TRHDE: variants seen among roughly 807,000 people sequenced by gnomAD.
The protein encoded by TRHDE is thyrotropin releasing hormone degrading enzyme.
TRHDE carries 72 observed loss-of-function variants against 125.7 expected under a neutral mutation model. That is an observed-to-expected ratio of 0.57 (90% CI 0.47 to 0.70). The LOEUF is 0.70. Ranked by LOEUF, TRHDE falls within the 30% of genes least tolerant of loss-of-function variation. The probability of loss-of-function intolerance (pLI) is 0.00; values close to 1 mark genes in which losing one functional copy is unlikely to be tolerated. For synonymous variants in TRHDE, 509 were observed against 509.1 expected (o/e 1.00, Z 0.00); for missense variants, 1,110 against 1,327.1 (o/e 0.84, Z 2.54).
intron 2 of TRHDE, among the ~76,000 whole-genome samples, chr12:72,265,826 T>A (rs1879054882): frequency 6.6e-6 from 1 of 152,002 alleles, no homozygotes; most frequent in East Asian, 1.9e-4. Flanking sequence ...ATATATATTT[T>A]ATATTATGTT....
intron 12 of TRHDE, among the ~76,000 whole-genome samples, chr12:72,577,591 G>A (rs952592669): frequency 1.7e-4 from 26 of 152,154 alleles, no homozygotes; most frequent in Non-Finnish European, 3.1e-4. Context: ...ATGATGGTGA[G>A]AAAGCAAGTA....
At chr12:72,341,085 A>T (rs767865677) in intron 2 of TRHDE, among the ~76,000 whole-genome samples, 2 of 150,200 alleles carry the variant, frequency 1.3e-5, no homozygotes, top group Middle Eastern at 3.2e-3. Context: ...TGTTTCTAAA[A>T]CTTGGAACCT....
intron 3 of TRHDE, among the ~76,000 whole-genome samples, chr12:72,456,922 GA>G (rs1322924310): frequency 6.6e-6 from 1 of 151,840 alleles, no homozygotes; most frequent in Non-Finnish European, 1.5e-5. Context: ...AATGGGTTTT[GA>G]AAAAAATCAT....
At chr12:72,480,895 T>C (rs1254140105) in intron 5 of TRHDE, among the ~76,000 whole-genome samples, 1 of 152,126 alleles carries the variant, frequency 6.6e-6, no homozygotes, top group African/African-American at 2.4e-5. Context: ...CTCAAATATA[T>C]AATAGTGGCC....
At chr12:72,661,657 C>G (rs1328387476) in intron 18 of TRHDE, among the ~76,000 whole-genome samples, 1 of 152,048 alleles carries the variant, frequency 6.6e-6, no homozygotes, top group Non-Finnish European at 1.5e-5. Flanking sequence ...TTAGACTCCC[C>G]CTTTATATAT....
intron 15 of TRHDE, among the ~76,000 whole-genome samples, chr12:72,625,625 C>A (rs11179290): frequency 0.14 from 21,238 of 151,736 alleles, 2,039 homozygotes; most frequent in East Asian, 0.54. Flanking sequence ...CTATATTGAG[C>A]ATTTACTACA....
At chr12:72,584,910 A>C (rs1402426775) in intron 12 of TRHDE, among the ~76,000 whole-genome samples, 1 of 152,216 alleles carries the variant, frequency 6.6e-6, no homozygotes, top group Admixed American at 6.5e-5. Flanking sequence ...AAAATATCAT[A>C]TTGTCCCTAT....
At chr12:72,263,792 T>A (rs1050325271) in intron 2 of TRHDE, 2 of 152,080 alleles carry the variant, frequency 1.3e-5, no homozygotes, top group African/African-American at 4.8e-5. Context: ...TACTTAAAAC[T>A]TTTTTGTTGT....
At chr12:72,575,233 A>G (rs376274625) in intron 10 of TRHDE, 22 bp from the exon 11 acceptor site, 149 of 1,609,156 alleles carry the variant, frequency 9.3e-5, no homozygotes, top group Non-Finnish European at 1.2e-4. Context: ...TTTGAAATCT[A>G]TCCCAAAAAT....
At chr12:72,587,711 T>G (rs1169736732) in intron 12 of TRHDE, among the ~76,000 whole-genome samples, 2 of 152,112 alleles carry the variant, frequency 1.3e-5, no homozygotes, top group African/African-American at 2.4e-5. Flanking sequence ...TACTGAGAGA[T>G]AAGTATTTTA....
chr12:72,656,978 A>C lies in TRHDE; in HGVS notation c.3036A>C (p.Glu1012Asp), dbSNP rs552773206. ...CCAAACTCATCAGTGGTGTCACAGAATTTCTTAATACTGAAGGTGAACTCA... is the reference window on the plus strand; with the variant it reads ...CCAAACTCATCAGTGGTGTCACAGACTTTCTTAATACTGAAGGTGAACTCA... The part of the protein sequence containing the change: ...MNSKLISGVT[E>D]FLNTEGELKE... The change falls in exon 18 of 19, where the codon GAA (glutamate) becomes GAC (aspartate). Residue 1012 changes from glutamate to aspartate, a missense_variant. Glu to Asp is a conservative substitution (Grantham distance 45). Around this residue, in one of 5 missense-constraint regions of TRHDE, gnomAD observed 527 missense variants for 651.8 expected, o/e 0.81. Transcript: ENST00000261180. The C allele has an allele frequency of 3.1e-6, 5 of 1,609,090 alleles. No homozygotes were observed. Among genetic ancestry groups the C allele is most frequent in the Non-Finnish European group, 4.3e-6 (5 of 1,176,130 alleles).
chr12:72,315,386 G>C (rs1868749376), intron 2 of TRHDE, among the ~76,000 whole-genome samples: 1 of 148,146 alleles, frequency 6.8e-6, no homozygotes, highest in Non-Finnish European at 1.5e-5. Context: ...AAGTAGTTTA[G>C]ATTTTGTAAG....
intron 1 of TRHDE, 22 bp from the exon 2 acceptor site, chr12:72,286,659 A>G (rs182562778): frequency 7.0e-4 from 1,121 of 1,606,292 alleles, no homozygotes; most frequent in Non-Finnish European, 8.5e-4. Flanking sequence ...TGTAATTGAG[A>G]ATGTCATTTT....
At chr12:72,344,394 A>C (rs1024388981) in intron 2 of TRHDE, among the ~76,000 whole-genome samples, 11 of 152,150 alleles carry the variant, frequency 7.2e-5, no homozygotes, top group Non-Finnish European at 1.6e-4. Flanking sequence ...TTTTACAAAA[A>C]AGGTTTATTA....
At chr12:72,403,886 T>C (rs909519840) in intron 3 of TRHDE, among the ~76,000 whole-genome samples, 10 of 152,068 alleles carry the variant, frequency 6.6e-5, no homozygotes, top group Non-Finnish European at 8.8e-5. Flanking sequence ...TAGGTCATAG[T>C]TGAAGATGGT....
intron 2 of TRHDE, among the ~76,000 whole-genome samples, chr12:72,196,655 T>C (rs1019706962): frequency 5.9e-5 from 9 of 152,092 alleles, no homozygotes; most frequent in African/African-American, 2.2e-4. Flanking sequence ...CCTATGCCAT[T>C]TTAACCACTT....
At chr12:72,091,410 A>G (rs147720694) in intron 1 of TRHDE, among the ~76,000 whole-genome samples, 37 of 152,306 alleles carry the variant, frequency 2.4e-4, no homozygotes, top group African/African-American at 7.9e-4. Flanking sequence ...GCCTCTTTTT[A>G]AAAATTTTAA....
chr12:72,520,016 G>A (rs1746941330), intron 6 of TRHDE, among the ~76,000 whole-genome samples: 1 of 152,316 alleles, frequency 6.6e-6, no homozygotes, highest in African/African-American at 2.4e-5. Context: ...GTCCAGCTGT[G>A]TGCTGGGAGA....
At chr12:72,324,028 A>AT (rs1253342749) in intron 2 of TRHDE, among the ~76,000 whole-genome samples, 9 of 152,088 alleles carry the variant, frequency 5.9e-5, no homozygotes, top group African/African-American at 2.2e-4. Context: ...GGTCTTCCTG[A>AT]TGCCAGTTTG....
Sources: gnomAD v4.1 joint callset for allele counts (sites outside exome capture counted in the v4.1 genomes callset) on GRCh38, gnomAD v4.1.1 for gene constraint, gnomAD v4.1.1 regional missense constraint, MANE v1.5 for transcripts, NCBI Gene and HGNC (gene_info 2026-07-23, HGNC 2026-07-21) for gene names.